Variants in ENOX1 observed in about 807,000 individuals in gnomAD.
ENOX1 encodes the protein ecto-NOX disulfide-thiol exchanger 1, also known as candidate growth-related and time keeping constitutive hydroquinone (NADH) oxidase.
A neutral mutation model predicts 82.5 loss-of-function variants in ENOX1; 42 were observed. That is an observed-to-expected ratio of 0.51 (90% confidence interval 0.40 to 0.66). The LOEUF is 0.66. Ranked by LOEUF, ENOX1 falls within the 30% of genes least tolerant of loss-of-function variation. The pLI, the probability that ENOX1 is intolerant of heterozygous loss-of-function variation, is 0.00. For synonymous variants in ENOX1, 271 were observed against 282.2 expected, an observed-to-expected ratio of 0.96 and a Z score of 0.40; for missense variants, 608 against 811.6, an observed-to-expected ratio of 0.75 and a Z score of 3.05.
chr13:43,462,519 G>A (rs905528373), intron 3 of ENOX1, among the ~76,000 whole-genome samples: 5 of 152,122 alleles, frequency 3.3e-5, no homozygotes, highest in African/African-American at 9.7e-5. Context: ...TCTGTAAAGC[G>A]ATCTCAAACA....
chr13:43,596,415 A>G (rs1386983050), intron 2 of ENOX1, among the ~76,000 whole-genome samples: 1 of 152,228 alleles, frequency 6.6e-6, no homozygotes, highest in African/African-American at 2.4e-5. Context: ...TTTCATTTCC[A>G]TCCTGCTTTA....
intron 1 of ENOX1, among the ~76,000 whole-genome samples, chr13:43,671,608 G>C (rs73479955): frequency 0.047 from 7,089 of 152,160 alleles, 519 homozygotes; most frequent in African/African-American, 0.16. Context: ...GACTCACCCT[G>C]GGAAGTGACG....
intron 1 of ENOX1, among the ~76,000 whole-genome samples, chr13:43,677,018 G>A (rs1285792636): frequency 6.6e-6 from 1 of 151,522 alleles, no homozygotes; most frequent in Non-Finnish European, 1.5e-5. Context: ...ACTGCCCACC[G>A]AGTCTCCCAC....
At chr13:43,618,428 T>C (rs1284167634) in intron 2 of ENOX1, among the ~76,000 whole-genome samples, 2 of 152,194 alleles carry the variant, frequency 1.3e-5, no homozygotes, top group Non-Finnish European at 2.9e-5. Flanking sequence ...AGGTGAGAGA[T>C]GAGGAACCAG....
intron 1 of ENOX1, among the ~76,000 whole-genome samples, chr13:43,738,811 T>C (rs2089755967): frequency 6.6e-6 from 1 of 152,190 alleles, no homozygotes; most frequent in African/African-American, 2.4e-5. Flanking sequence ...CCAGCACTCA[T>C]CCCAATTAAA....
In ENOX1 at chr13:43,322,485, T is replaced by G; in HGVS notation, c.1160A>C (p.Gln387Pro). The G allele has an allele frequency of 1.2e-6, 2 of 1,613,894 alleles. No individual in the cohort carries two copies. Among genetic ancestry groups the G allele is most frequent in the Non-Finnish European group, 1.7e-6 (2 of 1,179,892 alleles). ...GCGGATGCCCATGAGCTGCTCACTT[T>G]GAGCATTCCGGAGCTCCTGCAAGTA... The part of the protein sequence containing the change: ...RKHSEELRNA[Q>P]SEQLMGIRRE... The change falls in exon 11 of 17, where the codon CAA (glutamine) becomes CCA (proline). Residue 387 changes from glutamine (Q) to proline (P), a missense_variant. By Grantham distance (76) the Gln-to-Pro change is moderately conservative. Transcript: ENST00000690772.
chr13:43,739,857 C>A (rs1223381571), intron 1 of ENOX1, among the ~76,000 whole-genome samples: 1 of 152,100 alleles, frequency 6.6e-6, no homozygotes, highest in African/African-American at 2.4e-5. Context: ...AGACCCACCC[C>A]TTCTCTTCCT....
intron 5 of ENOX1, among the ~76,000 whole-genome samples, chr13:43,396,877 C>T (rs1355191385): frequency 2.6e-5 from 4 of 152,230 alleles, no homozygotes. Context: ...GAATACCTGC[C>T]TTTGACAGCT....
intron 3 of ENOX1, among the ~76,000 whole-genome samples, chr13:43,421,742 T>G (rs2054987809): frequency 6.6e-6 from 1 of 152,064 alleles, no homozygotes; most frequent in Admixed American, 6.5e-5. Flanking sequence ...TAATAAACTA[T>G]AAGCTTAGGA....
chr13:43,255,310 A>C lies in ENOX1; in HGVS notation c.1611+10088T>G, dbSNP rs977325836. Among the ~76,000 whole-genome samples the C allele has an allele frequency of 4.6e-5, 7 of 152,270 alleles. 1 individual carries two copies. The highest frequency in any genetic ancestry group is 1.7e-4 in the African/African-American group (7 of 41,574). ...AACATACATCAAAATAATAATGACC[A>C]TATATGACAAACACAGTTAACATCA... On this transcript the variant is annotated intron_variant, in intron 14 of 16. Transcript: ENST00000690772.
At chr13:43,291,596 C>T (rs557663293) in intron 12 of ENOX1, among the ~76,000 whole-genome samples, 43 of 152,156 alleles carry the variant, frequency 2.8e-4, no homozygotes, top group African/African-American at 9.6e-4. Context: ...TATATGTTTC[C>T]GGGCAGCCAG....
At chr13:43,751,631 A>G (rs1950327620) in intron 1 of ENOX1, among the ~76,000 whole-genome samples, 1 of 152,158 alleles carries the variant, frequency 6.6e-6, no homozygotes, top group South Asian at 2.1e-4. Context: ...ATCATGCAAT[A>G]TGTAGTCTTT....
intron 1 of ENOX1, among the ~76,000 whole-genome samples, chr13:43,752,368 G>A (rs191998800): frequency 6.6e-6 from 1 of 152,134 alleles, no homozygotes; most frequent in Non-Finnish European, 1.5e-5. Context: ...TTGATGAGCA[G>A]AAATTTTTGA....
chr13:43,312,671 TTTC>T (rs1452547202), intron 11 of ENOX1, among the ~76,000 whole-genome samples: 1 of 152,234 alleles, frequency 6.6e-6, no homozygotes, highest in African/African-American at 2.4e-5. Flanking sequence ...TTTTCTTCTT[TTTC>T]TTGTCTAAAG....
intron 12 of ENOX1, among the ~76,000 whole-genome samples, chr13:43,283,188 A>C (rs2045499588): frequency 6.6e-6 from 1 of 152,154 alleles, no homozygotes; most frequent in African/African-American, 2.4e-5. Flanking sequence ...CTGTATCTCC[A>C]AAGTTAAAAA....
At chr13:43,439,968 A>T (rs1248904194) in intron 3 of ENOX1, among the ~76,000 whole-genome samples, 1 of 152,266 alleles carries the variant, frequency 6.6e-6, no homozygotes, top group Non-Finnish European at 1.5e-5. Flanking sequence ...ATACAGCTAT[A>T]GGCAAAACAT....
chr13:43,711,533 A>C (rs1011277982), intron 1 of ENOX1, among the ~76,000 whole-genome samples: 4 of 152,136 alleles, frequency 2.6e-5, no homozygotes, highest in Admixed American at 2.6e-4. Context: ...TTATAGTCCC[A>C]CCAACAGTGT....
intron 2 of ENOX1, among the ~76,000 whole-genome samples, chr13:43,592,592 C>T (rs1038579557): frequency 2.0e-4 from 30 of 152,104 alleles, no homozygotes; most frequent in Non-Finnish European, 3.1e-4. Context: ...AATGTTTTTA[C>T]ATCAGAATGC....
At chr13:43,367,477 G>A (rs1200779660) in intron 5 of ENOX1, among the ~76,000 whole-genome samples, 2 of 152,048 alleles carry the variant, frequency 1.3e-5, no homozygotes, top group African/African-American at 4.8e-5. Context: ...GACACACAGG[G>A]AGAATGCAAT....
Sources: gnomAD v4.1 joint callset for allele counts (sites outside exome capture counted in the v4.1 genomes callset) on GRCh38, gnomAD v4.1.1 for gene constraint, MANE v1.5 for transcripts, NCBI Gene and HGNC (gene_info 2026-07-23, HGNC 2026-07-21) for gene names.